The following CDH26 variants were observed in gnomAD, a reference collection of about 807,000 sequenced individuals.
The protein encoded by CDH26 is cadherin 26, also known as cadherin-like protein 26.
Under a neutral mutation model 90.3 loss-of-function variants are expected in CDH26, and 83 were observed. The observed-to-expected ratio is 0.92, with a 90% CI of 0.77 to 1.10. The LOEUF is 1.10. Among genes scored for constraint, CDH26 ranks in the 50% least tolerant of loss-of-function variants. CDH26 has a pLI of 0.00. For missense variants in CDH26, 1,013 were observed against 1,037.6 expected, an observed-to-expected ratio of 0.98 and a Z score of 0.33; for synonymous variants, 397 against 396.3, an observed-to-expected ratio of 1.00 and a Z score of -0.02.
At chr20:59,991,361 G>A (rs1309814330) in intron 9 of CDH26, among the ~76,000 whole-genome samples, 4 of 152,206 alleles carry the variant, frequency 2.6e-5, no homozygotes, top group African/African-American at 7.2e-5. Context: ...CAGGATGAGT[G>A]TCTTTTGTGA....
chr20:60,019,392 T>G (rs1335509040), downstream of CDH26, among the ~76,000 whole-genome samples: 1 of 152,186 alleles, frequency 6.6e-6, no homozygotes, highest in Non-Finnish European at 1.5e-5. Flanking sequence ...CTGTAGTCTT[T>G]CTTCATTCTT....
chr20:59,958,950 G>A (rs898096497), intron 1 of CDH26, among the ~76,000 whole-genome samples, 155 bp downstream of exon 1: 1 of 152,186 alleles, frequency 6.6e-6, no homozygotes, highest in African/African-American at 2.4e-5. Flanking sequence ...TAGGTAGCAG[G>A]GGCTCTGGAT....
intron 4 of CDH26, among the ~76,000 whole-genome samples, chr20:59,979,198 ATTTT>A (rs548400785): frequency 1.6e-5 from 2 of 123,720 alleles, no homozygotes; most frequent in South Asian, 2.6e-4. Flanking sequence ...TTCTTCTTCT[ATTTT>A]TTTTTTTTTT....
At position 59,958,773 on chromosome 20, in the gene CDH26, T is replaced by A. The variant is rs1287727057; in HGVS notation, c.47T>A (p.Val16Glu). 2 of 1,613,976 alleles carry A rather than the reference T, an allele frequency of 1.2e-6. No individual in the cohort carries two copies. The highest frequency in any genetic ancestry group is 1.7e-6 in the Non-Finnish European group (2 of 1,179,906). ...CACCCCTCGCTGCTGCTGCTTCTAGTGCTGCTGCTGTGGCTGCTGCAGGTA... is the reference window on the plus strand; with the variant it reads ...CACCCCTCGCTGCTGCTGCTTCTAGAGCTGCTGCTGTGGCTGCTGCAGGTA... ...GRHPSLLLLLVLLLWLLQVSI... is the reference protein window; with the variant it reads ...GRHPSLLLLLELLLWLLQVSI... The change falls in exon 1 of 18, where the codon GTG becomes GAG. Residue 16 changes from valine to glutamate, a missense_variant. Transcript: ENST00000348616.
At chr20:59,979,786 C>T (rs1029421871) in intron 4 of CDH26, among the ~76,000 whole-genome samples, 29 of 151,674 alleles carry the variant, frequency 1.9e-4, no homozygotes, top group Non-Finnish European at 3.5e-4. Flanking sequence ...ACCACCACAC[C>T]TGGCTAATTT....
Position 59,987,469 on chromosome 20 carries a change from C to G in CDH26, c.854C>G (p.Pro285Arg). The change falls in exon 8 of 18, where the codon CCT becomes CGT. Residue 285 changes from proline (P) to arginine (R), a missense_variant. Physicochemically the swap from Pro to Arg is moderately radical, Grantham distance 103 (BLOSUM62 -2). Coordinates refer to ENST00000348616, the MANE Select transcript of CDH26 (RefSeq NM_177980.4). Reference protein sequence around the residue: ...FTQENYKVQIPEGRASQGVLR... With the variant: ...FTQENYKVQIREGRASQGVLR... The stretch of plus-strand genomic sequence containing the variant: ...TTCTTTCAGTATAAGGTTCAGATTC[C>G]TGAAGGCCGAGCCAGCCAGGGCGTG... 6.2e-7 allele frequency: 1 copy of G among 1,611,476 alleles called. No homozygotes were observed.
intron 3 of CDH26, among the ~76,000 whole-genome samples, 198 bp from the exon 4 acceptor site, chr20:59,971,764 G>C (rs2061263795): frequency 6.6e-6 from 1 of 152,080 alleles, no homozygotes; most frequent in South Asian, 2.1e-4. Flanking sequence ...AATTTTCACT[G>C]TTACAGACCA....
chr20:60,016,134 A>AT (rs373437711), downstream of CDH26, among the ~76,000 whole-genome samples: 8 of 151,608 alleles, frequency 5.3e-5, no homozygotes, highest in South Asian at 4.2e-4. Context: ...AAATTTTAAG[A>AT]TTTTTTTTTC....
intron 13 of CDH26, 105 bp from the exon 14 acceptor site, chr20:59,999,481 T>A: frequency 1.1e-6 from 1 of 913,566 alleles, no homozygotes; most frequent in East Asian, 2.5e-5. Context: ...TGTGATGGCA[T>A]AGATACAATG....
In CDH26 at chr20:59,994,402, C is replaced by A. The variant is rs1302036224; in HGVS notation, c.1579C>A (p.Leu527Met). The stretch of plus-strand genomic sequence containing the variant: ...CCACATCGAGGCAGAGGATCCGGAC[C>A]TGGAGCCGTTCTCTGACCCATTTAC... ...PLHIEAEDPD[L>M]EPFSDPFTFE... The change falls in exon 11 of 18, where the codon CTG (leucine) becomes ATG (methionine). Residue 527 changes from leucine to methionine, a missense_variant. Physicochemically the swap from Leu to Met is conservative, Grantham distance 15. Transcript: ENST00000348616. The A allele has an allele frequency of 2.5e-6, 4 of 1,614,160 alleles. No homozygotes were observed. The highest frequency in any genetic ancestry group is 3.4e-6 in the Non-Finnish European group (4 of 1,180,024).
downstream of CDH26, among the ~76,000 whole-genome samples, chr20:60,017,367 A>G (rs2061914062): frequency 6.6e-6 from 1 of 151,978 alleles, no homozygotes; most frequent in Non-Finnish European, 1.5e-5. Context: ...GAATTTATCC[A>G]TTGCCTCTAG....
chr20:59,982,137 T>C (rs2145983400), intron 4 of CDH26, among the ~76,000 whole-genome samples: 1 of 152,312 alleles, frequency 6.6e-6, no homozygotes, highest in South Asian at 2.1e-4. Context: ...TTATTGATAA[T>C]TCTCTCCGCT....
intron 16 of CDH26, among the ~76,000 whole-genome samples, chr20:60,004,906 G>A (rs926818697): frequency 6.6e-6 from 1 of 151,166 alleles, no homozygotes; most frequent in Admixed American, 6.6e-5. Context: ...ATAACTGTAT[G>A]TATGCATGTG....
chr20:59,967,860 TC>T, intron 1 of CDH26, among the ~76,000 whole-genome samples: 1 of 116,348 alleles, frequency 8.6e-6, no homozygotes, highest in African/African-American at 4.7e-5. Flanking sequence ...TTTCTTTCTT[TC>T]TTTCTTTCTT....
intron 16 of CDH26, among the ~76,000 whole-genome samples, chr20:60,004,590 C>A (rs910313075): frequency 4.6e-5 from 7 of 151,798 alleles, no homozygotes; most frequent in African/African-American, 7.3e-5. Context: ...CATGGTGAAA[C>A]CCTGTCTTTA....
At position 59,967,879 on chromosome 20, in the gene CDH26, T is replaced by C. The variant is rs1263624908; in HGVS notation, c.70-1088T>C. ...TTTCTTTCTTTCTTTCTTTCTTTCTTCCTTCCTTCCTTCCTTCCTTCCTTC... is the reference window on the plus strand; with the variant it reads ...TTTCTTTCTTTCTTTCTTTCTTTCTCCCTTCCTTCCTTCCTTCCTTCCTTC... On this transcript the variant is annotated intron_variant, in intron 1 of 17. Transcript: ENST00000348616. Among the ~76,000 whole-genome samples, 97 of 100,724 alleles carry C rather than the reference T, an allele frequency of 9.6e-4. 2 individuals are homozygous for C. Among genetic ancestry groups the C allele is most frequent in the African/African-American group, 6.6e-3 (87 of 13,138 alleles). The allele number at this position is 100,724 out of a possible 152,430, so 66.1% of individuals were successfully genotyped here.
intron 8 of CDH26, among the ~76,000 whole-genome samples, chr20:59,988,278 A>G (rs1287617923): frequency 6.6e-6 from 1 of 152,176 alleles, no homozygotes; most frequent in Non-Finnish European, 1.5e-5. Context: ...TTCATTGCTC[A>G]CAACCAGCCC....
intron 9 of CDH26, 27 bp downstream of exon 9, chr20:59,989,190 GTTGT>G (rs1569041634): frequency 1.2e-6 from 2 of 1,611,534 alleles, no homozygotes; most frequent in Admixed American, 3.3e-5. Context: ...AAGAAGGGCG[GTTGT>G]TTAAGTGGAA....
At chr20:60,021,916 A>ATATATC (rs1261005381) in intron 7 of CDH26, among the ~76,000 whole-genome samples, 4,621 of 95,858 alleles carry the variant, frequency 0.048, 865 homozygotes, top group Non-Finnish European at 0.081. Flanking sequence ...ATATATATAT[A>ATATATC]TCCTGACTAT....
Sources: gnomAD v4.1 joint callset for allele counts (sites outside exome capture counted in the v4.1 genomes callset) on GRCh38, gnomAD v4.1.1 for gene constraint, MANE v1.5 for transcripts, NCBI Gene and HGNC (gene_info 2026-07-23, HGNC 2026-07-21) for gene names.